GPR158: variants seen among roughly 807,000 people sequenced by gnomAD.
GPR158 encodes the protein metabotropic glycine receptor.
Under a neutral mutation model 78.2 loss-of-function variants are expected in GPR158, and 30 were observed. The observed-to-expected ratio is 0.38, with a 90% CI of 0.29 to 0.52. GPR158 has a LOEUF of 0.52. Ranked by LOEUF, GPR158 falls within the 20% of genes least tolerant of loss-of-function variation. GPR158 has a pLI of 0.83. For synonymous variants in GPR158, 581 were observed against 591.1 expected (o/e 0.98, Z 0.25); for missense variants, 1,463 against 1,523.5 (o/e 0.96, Z 0.66).
intron 2 of GPR158, among the ~76,000 whole-genome samples, chr10:25,256,011 CT>C (rs1293297506): frequency 6.6e-6 from 1 of 152,094 alleles, no homozygotes; most frequent in Non-Finnish European, 1.5e-5. Flanking sequence ...GAATGAGTTT[CT>C]ATTTTCAACA....
intron 2 of GPR158, among the ~76,000 whole-genome samples, chr10:25,283,047 C>A (rs955751937): frequency 1.3e-5 from 2 of 151,854 alleles, no homozygotes; most frequent in Non-Finnish European, 2.9e-5. Flanking sequence ...GTGTTTTATC[C>A]CTTTTATTCT....
At chr10:25,377,592 G>A (rs1834099574) in intron 2 of GPR158, among the ~76,000 whole-genome samples, 2 of 151,886 alleles carry the variant, frequency 1.3e-5, no homozygotes, top group Admixed American at 6.6e-5. Flanking sequence ...TGATGGATTT[G>A]CCTATTCTGG....
chr10:25,358,443 G>A (rs1855582812), intron 2 of GPR158, among the ~76,000 whole-genome samples: 1 of 152,058 alleles, frequency 6.6e-6, no homozygotes, highest in Non-Finnish European at 1.5e-5. Flanking sequence ...GTTGTGGAAG[G>A]GACCCAGTGG....
chr10:25,204,645 T>C (rs1036485199), intron 1 of GPR158, among the ~76,000 whole-genome samples: 1 of 152,158 alleles, frequency 6.6e-6, no homozygotes, highest in Non-Finnish European at 1.5e-5. Flanking sequence ...TCCTGTTGGA[T>C]TCGGTTTGCC....
At chr10:25,426,947 A>C (rs374298083) in intron 4 of GPR158, among the ~76,000 whole-genome samples, 1 of 150,958 alleles carries the variant, frequency 6.6e-6, no homozygotes, top group African/African-American at 2.4e-5. Context: ...CAATGATGCA[A>C]AGTCCTCTAG....
At chr10:25,507,253 A>G (rs954320046) in intron 5 of GPR158, among the ~76,000 whole-genome samples, 7 of 152,228 alleles carry the variant, frequency 4.6e-5, no homozygotes, top group Admixed American at 3.3e-4. Context: ...CAGTCTAATC[A>G]TTTATTGCCT....
chr10:25,492,838 A>G (rs1835828096), intron 5 of GPR158, among the ~76,000 whole-genome samples: 1 of 149,430 alleles, frequency 6.7e-6, no homozygotes, highest in Admixed American at 6.7e-5. Context: ...TTTGATACTA[A>G]TTATATGTAT....
intron 2 of GPR158, among the ~76,000 whole-genome samples, chr10:25,311,115 T>C (rs1854757745): frequency 1.3e-5 from 2 of 152,034 alleles, no homozygotes; most frequent in South Asian, 4.1e-4. Flanking sequence ...TTAATATTTG[T>C]TTGGGCTAAT....
intron 2 of GPR158, among the ~76,000 whole-genome samples, chr10:25,297,642 G>A (rs1293938907): frequency 6.6e-6 from 1 of 152,128 alleles, no homozygotes; most frequent in Non-Finnish European, 1.5e-5. Context: ...ATTTATCAAA[G>A]TTCAGATGGA....
At chr10:25,289,625 A>G (rs925305695) in intron 2 of GPR158, among the ~76,000 whole-genome samples, 4 of 151,574 alleles carry the variant, frequency 2.6e-5, no homozygotes, top group Non-Finnish European at 5.9e-5. Context: ...GTAGAGATGG[A>G]GTTTCACTGT....
chr10:25,224,082 G>A (rs183060202), intron 2 of GPR158, among the ~76,000 whole-genome samples: 1 of 152,248 alleles, frequency 6.6e-6, no homozygotes, highest in African/African-American at 2.4e-5. Flanking sequence ...CTCTCAGTGA[G>A]TTTAGGTCTT....
intron 2 of GPR158, among the ~76,000 whole-genome samples, chr10:25,317,314 C>G (rs1293500891): frequency 6.6e-6 from 1 of 152,026 alleles, no homozygotes; most frequent in Non-Finnish European, 1.5e-5. Flanking sequence ...TCCTAAAGTG[C>G]TGGGATTACA....
intron 2 of GPR158, among the ~76,000 whole-genome samples, chr10:25,328,502 G>A (rs1353462938): frequency 1.3e-5 from 2 of 151,810 alleles, no homozygotes; most frequent in Non-Finnish European, 1.5e-5. Context: ...TTGTTTTGTT[G>A]GAATGTTTCC....
intron 3 of GPR158, 114 bp downstream of exon 3, chr10:25,396,127 G>A (rs957683713): frequency 9.3e-6 from 5 of 536,112 alleles, no homozygotes; most frequent in Non-Finnish European, 1.6e-5. Flanking sequence ...CATTGGTTTG[G>A]CATTCTTTCA....
At chr10:25,312,476 G>A (rs967513686) in intron 2 of GPR158, among the ~76,000 whole-genome samples, 19 of 152,124 alleles carry the variant, frequency 1.2e-4, no homozygotes, top group South Asian at 2.1e-4. Flanking sequence ...GTTGTTTTCC[G>A]TGAAGTAGAG....
intron 3 of GPR158, among the ~76,000 whole-genome samples, chr10:25,407,143 A>C (rs1434657417): frequency 6.6e-6 from 1 of 152,136 alleles, no homozygotes; most frequent in Non-Finnish European, 1.5e-5. Flanking sequence ...CCAAGTTCTT[A>C]TCTTAAGTTC....
chr10:25,330,445 T>C (rs893685501), intron 2 of GPR158, among the ~76,000 whole-genome samples: 34 of 152,172 alleles, frequency 2.2e-4, no homozygotes, highest in Non-Finnish European at 4.4e-5. Context: ...TTCTGCTCTT[T>C]GGATAGTTTA....
At position 25,599,073 on chromosome 10, in the gene GPR158, G is replaced by GA; in HGVS notation, c.3449dup (p.Asn1150LysfsTer7). On this transcript the variant is annotated frameshift_variant, in exon 11 of 11. Coordinates refer to ENST00000376351, the MANE Select transcript of GPR158 (RefSeq NM_020752.3). LOFTEE classifies it low-confidence loss of function (END_TRUNC). The stretch of plus-strand genomic sequence containing the variant: ...AAAAAAAGACATCTTCTTCTGAGGA[G>GA]AATGTGCGTGGCTCCTATAACTCAA... 1 of 1,613,616 alleles carries GA rather than the reference G, an allele frequency of 6.2e-7. No homozygotes were observed. Among genetic ancestry groups the GA allele is most frequent in the Non-Finnish European group, 8.5e-7 (1 of 1,179,958 alleles).
At chr10:25,551,137 C>T (rs373627686) in intron 6 of GPR158, 52 bp downstream of exon 6, 3 of 1,026,616 alleles carry the variant, frequency 2.9e-6, no homozygotes, top group Non-Finnish European at 4.7e-6. Flanking sequence ...AACTAATCAG[C>T]TTGGCACATA....
Sources: gnomAD v4.1 joint callset for allele counts (sites outside exome capture counted in the v4.1 genomes callset) on GRCh38, gnomAD v4.1.1 for gene constraint, MANE v1.5 for transcripts, NCBI Gene and HGNC (gene_info 2026-07-23, HGNC 2026-07-21) for gene names.